DNAJC13: variants seen among roughly 807,000 people sequenced by gnomAD.
The protein encoded by DNAJC13 is dnaJ homolog subfamily C member 13.
Under a neutral mutation model 290.5 loss-of-function variants are expected in DNAJC13, and 75 were observed. That is an observed-to-expected ratio of 0.26 (90% CI 0.21 to 0.31). DNAJC13 has a LOEUF of 0.31. DNAJC13 is among the 10% of genes least tolerant of loss of function. The pLI is 1.00. For synonymous variants in DNAJC13, 862 were observed against 892.0 expected (o/e 0.97, Z 0.60); for missense variants, 2,260 against 2,674.5 (o/e 0.85, Z 3.42).
intron 26 of DNAJC13, 71 bp from the exon 27 acceptor site, chr3:132,482,155 A>T: frequency 7.6e-7 from 1 of 1,308,496 alleles, no homozygotes; most frequent in African/African-American, 1.5e-5. Flanking sequence ...CTGCTGTGCA[A>T]CTTTGTTTTA....
intron 1 of DNAJC13, among the ~76,000 whole-genome samples, chr3:132,432,693 T>C (rs1359729478): frequency 6.6e-6 from 1 of 152,244 alleles, no homozygotes; most frequent in Non-Finnish European, 1.5e-5. Context: ...TAAGTTTACC[T>C]TTTTTAGATG....
chr3:132,508,544 A>G (rs1001621648), intron 43 of DNAJC13, among the ~76,000 whole-genome samples: 19 of 152,178 alleles, frequency 1.2e-4, no homozygotes, highest in Non-Finnish European at 1.5e-5. Context: ...TTTGAGAATG[A>G]TAAATCTGTT....
chr3:132,491,469 A>G (rs901159703), intron 32 of DNAJC13, among the ~76,000 whole-genome samples: 10 of 152,142 alleles, frequency 6.6e-5, no homozygotes, highest in African/African-American at 2.4e-4. Context: ...ATGAATCAGA[A>G]CAGAGATACC....
At chr3:132,532,986 T>G (rs1047079174) in intron 55 of DNAJC13, among the ~76,000 whole-genome samples, 7 of 150,692 alleles carry the variant, frequency 4.6e-5, no homozygotes, top group African/African-American at 1.7e-4. Context: ...CTCAAACTCC[T>G]GACCTCAGGT....
chr3:132,440,030 G>A (rs919673252), intron 2 of DNAJC13, among the ~76,000 whole-genome samples: 4 of 152,226 alleles, frequency 2.6e-5, no homozygotes, highest in Non-Finnish European at 5.9e-5. Flanking sequence ...GGCCAAGGCT[G>A]GAGGATCACT....
intron 16 of DNAJC13, 31 bp downstream of exon 16, chr3:132,462,554 AC>A (rs778549603): frequency 6.5e-7 from 1 of 1,534,108 alleles, no homozygotes; most frequent in Non-Finnish European, 8.9e-7. Context: ...TTTTAACCTT[AC>A]TTGAATGTTG....
intron 1 of DNAJC13, among the ~76,000 whole-genome samples, chr3:132,426,320 G>A (rs1373637512): frequency 6.6e-6 from 1 of 152,128 alleles, no homozygotes; most frequent in African/African-American, 2.4e-5. Context: ...AATTACAAAA[G>A]GCATGTAAAT....
At chr3:132,452,348 A>G (rs1433874664) in intron 6 of DNAJC13, among the ~76,000 whole-genome samples, 2 of 152,232 alleles carry the variant, frequency 1.3e-5, no homozygotes, top group Non-Finnish European at 2.9e-5. Context: ...GATTTATTCA[A>G]CAAACCTTTA....
intron 26 of DNAJC13, among the ~76,000 whole-genome samples, chr3:132,480,736 A>G (rs1576488445): frequency 1.3e-5 from 2 of 152,332 alleles, no homozygotes; most frequent in South Asian, 4.1e-4. Context: ...GACTTTTAGG[A>G]TATAAATTGA....
At position 132,453,525 on chromosome 3, in the gene DNAJC13, A is replaced by C. The variant is rs539705635; in HGVS notation, c.744+21A>C. Reference sequence around the variant, plus strand: ...ATTCGGTAAGACCCATATGTTAAAAATGAAAATTTGTTCACCTGATTTTGA... The same window carrying C: ...ATTCGGTAAGACCCATATGTTAAAACTGAAAATTTGTTCACCTGATTTTGA... On this transcript the variant is annotated intron_variant, in intron 7 of 55. Coordinates refer to ENST00000260818, the MANE Select transcript of DNAJC13 (RefSeq NM_015268.4). 472 of 1,610,798 alleles carry C rather than the reference A, an allele frequency of 2.9e-4. 4 individuals are homozygous for C. In the South Asian group the frequency reaches 4.0e-3, roughly 14 times the overall value.
rs1933298894 is a variant in DNAJC13, at chr3:132,447,747, T to G, written c.295-151T>G. The stretch of plus-strand genomic sequence containing the variant: ...TCTTCAATAAGGTTTCATACTCTTT[T>G]TATTGAATATTCTTAAACTATAACT... On this transcript the variant is annotated intron_variant, in intron 4 of 55. Transcript: ENST00000260818. The G allele has an allele frequency of 4.3e-6, 3 of 693,972 alleles. No individual in the cohort carries two copies. The South Asian group carries it at 5.5e-5, about 13-fold the overall frequency. 43.0% of individuals were successfully genotyped at this position (693,972 alleles called of 1,614,324 possible).
At chr3:132,518,114 T>C (rs1233038022) in intron 48 of DNAJC13, among the ~76,000 whole-genome samples, 1 of 152,232 alleles carries the variant, frequency 6.6e-6, no homozygotes, top group Non-Finnish European at 1.5e-5. Flanking sequence ...AACGTGCAGG[T>C]TTGTTACATA....
intron 54 of DNAJC13, 33 bp from the exon 55 acceptor site, chr3:132,530,965 T>G: frequency 6.3e-7 from 1 of 1,590,032 alleles, no homozygotes. Context: ...AGTCCTTGAT[T>G]TTATGTTCAA....
chr3:132,428,968 T>C (rs551145980), intron 1 of DNAJC13, among the ~76,000 whole-genome samples: 2 of 151,488 alleles, frequency 1.3e-5, no homozygotes, highest in Non-Finnish European at 2.9e-5. Context: ...CTCCTGACTT[T>C]GTAATTTGTC....
intron 27 of DNAJC13, among the ~76,000 whole-genome samples, chr3:132,482,542 A>G (rs1192165002): frequency 1.3e-5 from 2 of 152,224 alleles, no homozygotes; most frequent in Non-Finnish European, 2.9e-5. Context: ...AGCTGTTGTT[A>G]TGGAGATAGC....
At chr3:132,516,009 A>G (rs1935909288) in intron 46 of DNAJC13, among the ~76,000 whole-genome samples, 1 of 152,194 alleles carries the variant, frequency 6.6e-6, no homozygotes, top group African/African-American at 2.4e-5. Context: ...ACCCGGTCTT[A>G]CAACTGCTAC....
rs762455555 is a variant in DNAJC13, at chr3:132,516,785, A to G, written c.5642A>G (p.Lys1881Arg). The change falls in exon 48 of 56, where the codon AAA (lysine) becomes AGA (arginine). Residue 1881 changes from lysine (K) to arginine (R), a missense_variant. This residue lies in a region of DNAJC13 where 1,494 missense variants were observed against 1,693.7 expected (regional missense o/e 0.88). Transcript: ENST00000260818. Reference sequence around the variant, plus strand: ...GCCCAAACAGCAGAACTTTTTGCCAAAATGACAGCAGATAAACTGATAGGT... The same window carrying G: ...GCCCAAACAGCAGAACTTTTTGCCAGAATGACAGCAGATAAACTGATAGGT... ...VRAQTAELFA[K>R]MTADKLIGPK... 18 of 1,613,454 alleles carry G rather than the reference A, an allele frequency of 1.1e-5. No individual in the cohort carries two copies. The highest frequency in any genetic ancestry group is 1.0e-4 in the Admixed American group (6 of 59,952).
chr3:132,455,495 A>G (rs1933568255), intron 9 of DNAJC13, among the ~76,000 whole-genome samples: 1 of 152,244 alleles, frequency 6.6e-6, no homozygotes, highest in Non-Finnish European at 1.5e-5. Flanking sequence ...GTATCTATCC[A>G]AGAGAGATGA....
intron 1 of DNAJC13, among the ~76,000 whole-genome samples, chr3:132,430,066 TA>T (rs1364444193): frequency 6.6e-6 from 1 of 152,162 alleles, no homozygotes; most frequent in African/African-American, 2.4e-5. Context: ...AGGAATACAA[TA>T]TTTATTCTAA....
Sources: allele counts gnomAD v4.1 joint callset (sites outside exome capture counted in the v4.1 genomes callset), GRCh38; gene constraint gnomAD v4.1.1; regional missense constraint gnomAD v4.1.1; transcripts MANE v1.5; gene names NCBI Gene and HGNC (gene_info 2026-07-23, HGNC 2026-07-21).